ZNF609: variants seen among roughly 807,000 people sequenced by gnomAD.
The protein encoded by ZNF609 is zinc finger protein 609.
A neutral mutation model predicts 109.5 loss-of-function variants in ZNF609; 11 were observed. That is an observed-to-expected ratio of 0.10 (90% CI 0.06 to 0.17). The LOEUF (loss-of-function observed/expected upper bound fraction) is 0.17. Among genes scored for constraint, ZNF609 ranks in the 10% least tolerant of loss-of-function variants. The pLI is 1.00. For synonymous variants in ZNF609, 646 were observed against 662.0 expected, an observed-to-expected ratio of 0.98 and a Z score of 0.37; for missense variants, 1,559 against 1,772.4, an observed-to-expected ratio of 0.88 and a Z score of 2.16.
intron 3 of ZNF609, among the ~76,000 whole-genome samples, chr15:64,628,390 C>T (rs1896007252): frequency 6.6e-6 from 1 of 151,976 alleles, no homozygotes; most frequent in Non-Finnish European, 1.5e-5. Context: ...GGCACGGTGG[C>T]TCACACCTGT....
At position 64,622,761 on chromosome 15, in the gene ZNF609, C is replaced by G. The variant is rs1895896168; in HGVS notation, c.748-66C>G. 3 of 1,367,536 alleles carry G rather than the reference C, an allele frequency of 2.2e-6. No individual in the cohort carries two copies. In the Admixed American group the frequency reaches 5.1e-5, roughly 23 times the overall value. The allele number at this position is 1,367,536 out of a possible 1,614,324, so 84.7% of individuals were successfully genotyped here. A position where few individuals can be genotyped will look rare whatever the true frequency, so the allele number is the denominator to read the frequency against. ...AATAGATATAGGACTAGATTAAATA[C>G]AGAAAAGGTATTTCCTCTAAATGTT... On this transcript the variant is annotated intron_variant, in intron 2 of 9. Transcript: ENST00000326648.
intron 3 of ZNF609, chr15:64,631,322 A>G: frequency 1.4e-6 from 1 of 698,170 alleles, no homozygotes; most frequent in Admixed American, 1.8e-5. Flanking sequence ...TGCTGAATAC[A>G]CACATTAATT....
intron 1 of ZNF609, among the ~76,000 whole-genome samples, chr15:64,475,518 A>G (rs1412286756): frequency 6.7e-6 from 1 of 150,062 alleles, no homozygotes; most frequent in Non-Finnish European, 1.5e-5. Flanking sequence ...CCTCCCGAGT[A>G]ACTGGGATTA....
intron 1 of ZNF609, among the ~76,000 whole-genome samples, chr15:64,474,159 C>T (rs1380178088): frequency 7.9e-5 from 12 of 152,090 alleles, no homozygotes; most frequent in African/African-American, 2.4e-4. Flanking sequence ...CCTCCCGCCT[C>T]GGCCTCCCAA....
intron 2 of ZNF609, among the ~76,000 whole-genome samples, chr15:64,598,779 T>C (rs929615527): frequency 2.8e-5 from 4 of 140,764 alleles, no homozygotes; most frequent in East Asian, 2.1e-4. Flanking sequence ...TATATATATA[T>C]ATATATATCC....
chr15:64,635,589 G>A (rs1161786118), intron 3 of ZNF609, among the ~76,000 whole-genome samples: 2 of 152,162 alleles, frequency 1.3e-5, no homozygotes, highest in African/African-American at 4.8e-5. Context: ...GTTAGTCATT[G>A]GTTGTGATGA....
intron 3 of ZNF609, among the ~76,000 whole-genome samples, chr15:64,625,204 C>T (rs1159767121): frequency 2.0e-5 from 3 of 152,206 alleles, no homozygotes; most frequent in African/African-American, 7.2e-5. Context: ...CTGTTTTGCT[C>T]ATCATTGTAT....
chr15:64,587,762 TGA>T (rs1895221760), intron 2 of ZNF609, among the ~76,000 whole-genome samples: 1 of 152,088 alleles, frequency 6.6e-6, no homozygotes, highest in Non-Finnish European at 1.5e-5. Flanking sequence ...CTCTTTTGCC[TGA>T]GATAAGTGTT....
At chr15:64,578,136 GATTT>G (rs762857577) in intron 2 of ZNF609, among the ~76,000 whole-genome samples, 116 of 151,946 alleles carry the variant, frequency 7.6e-4, no homozygotes, top group African/African-American at 1.7e-3. Context: ...AAAAGTTTAA[GATTT>G]ATTTATTTAT....
intron 1 of ZNF609, among the ~76,000 whole-genome samples, chr15:64,473,802 G>A (rs1326818972): frequency 6.6e-6 from 1 of 151,814 alleles, no homozygotes. Flanking sequence ...TGGAGTCTCA[G>A]TCTGTCGCCC....
At position 64,660,320 on chromosome 15, in the gene ZNF609, C is replaced by T. The variant is rs1323797139; in HGVS notation, c.974-10026C>T. Among the ~76,000 whole-genome samples, 5 of 152,122 alleles carry T rather than the reference C, an allele frequency of 3.3e-5. No individual in the cohort carries two copies. The East Asian group carries it at 7.7e-4, about 23-fold the overall frequency. The stretch of plus-strand genomic sequence containing the variant: ...GTTCATTCTGAGGCCAGAGCCTGAA[C>T]ATAAATACAGTTCCCCTCTGGCCTC... On this transcript the variant is annotated intron_variant, in intron 3 of 9. Transcript: ENST00000326648.
At chr15:64,677,285 A>G (rs1445323882) in intron 5 of ZNF609, among the ~76,000 whole-genome samples, 1 of 150,540 alleles carries the variant, frequency 6.6e-6, no homozygotes, top group African/African-American at 2.5e-5. Context: ...CTGGTCTTGA[A>G]CTCCTGGCCT....
At chr15:64,666,642 G>A (rs1283128192) in intron 3 of ZNF609, among the ~76,000 whole-genome samples, 1 of 151,722 alleles carries the variant, frequency 6.6e-6, no homozygotes, top group Non-Finnish European at 1.5e-5. Flanking sequence ...CTCCTGAGTA[G>A]CTGGGACTAC....
chr15:64,675,286 G>C lies in ZNF609; in HGVS notation c.2432G>C (p.Ser811Thr), dbSNP rs143667555. 1.2e-6 allele frequency: 2 copies of C among 1,614,072 alleles called. No individual in the cohort carries two copies. Among genetic ancestry groups the C allele is most frequent in the Non-Finnish European group, 1.7e-6 (2 of 1,180,018 alleles). The part of the protein sequence containing the change: ...NAPSPSIGGS[S>T]RLENTTPTQP... ...CCCAGCCCTTCCATTGGAGGCAGTA[G>C]CCGCCTTGAAAACACTACCCCTACT... Residue 811 changes from serine to threonine, a missense_variant, in exon 5 of 10, where the codon AGC becomes ACC. By Grantham distance (58) the Ser-to-Thr change is moderately conservative. This residue lies in a region of ZNF609 where 1,204 missense variants were observed against 1,314.1 expected (regional missense o/e 0.92). Transcript: ENST00000326648.
chr15:64,579,433 C>G (rs1055518690), intron 2 of ZNF609, among the ~76,000 whole-genome samples: 1 of 150,022 alleles, frequency 6.7e-6, no homozygotes, highest in Non-Finnish European at 1.5e-5. Context: ...AAAAAAGTAG[C>G]CAGACCTACT....
At chr15:64,468,654 A>C (rs1354646923) in intron 1 of ZNF609, among the ~76,000 whole-genome samples, 2 of 152,084 alleles carry the variant, frequency 1.3e-5, no homozygotes, top group Non-Finnish European at 2.9e-5. Context: ...GGACTCAAGC[A>C]GTCCTCCTTC....
intron 3 of ZNF609, among the ~76,000 whole-genome samples, chr15:64,652,037 TTTTA>T (rs1183844965): frequency 2.6e-5 from 4 of 152,200 alleles, no homozygotes; most frequent in Non-Finnish European, 5.9e-5. Context: ...TACATTTTTC[TTTTA>T]TTTATTTATT....
chr15:64,641,957 G>A (rs181827811), intron 3 of ZNF609, among the ~76,000 whole-genome samples: 33 of 152,184 alleles, frequency 2.2e-4, no homozygotes, highest in African/African-American at 3.6e-4. Context: ...TGGAAGACTC[G>A]TACGTAATTT....
intron 3 of ZNF609, among the ~76,000 whole-genome samples, chr15:64,640,279 C>T (rs1433297144): frequency 1.3e-5 from 2 of 152,124 alleles, no homozygotes; most frequent in African/African-American, 2.4e-5. Context: ...GCTCAAGCAG[C>T]CTCCCATCTT....
Sources: gnomAD v4.1 joint callset for allele counts (sites outside exome capture counted in the v4.1 genomes callset) on GRCh38, gnomAD v4.1.1 for gene constraint, gnomAD v4.1.1 regional missense constraint, MANE v1.5 for transcripts, NCBI Gene and HGNC (gene_info 2026-07-23, HGNC 2026-07-21) for gene names.